The following ADAMTS17 variants were observed in gnomAD, a reference collection of about 807,000 sequenced individuals.
ADAMTS17 encodes the protein ADAM metallopeptidase with thrombospondin type 1 motif 17, also known as A disintegrin and metalloproteinase with thrombospondin motifs 17.
Under a neutral mutation model 141.5 loss-of-function variants are expected in ADAMTS17, and 113 were observed. That is an observed-to-expected ratio of 0.80 (90% confidence interval 0.69 to 0.93). The LOEUF (loss-of-function observed/expected upper bound fraction) is 0.93, where lower values mean the gene tolerates loss of function less well. Among genes scored for constraint, ADAMTS17 ranks in the 40% least tolerant of loss-of-function variants. ADAMTS17 has a pLI of 0.00. For synonymous variants in ADAMTS17, 768 were observed against 630.6 expected (o/e 1.22, Z -3.27); for missense variants, 1,659 against 1,517.9 (o/e 1.09, Z -1.54).
At chr15:100,234,637 G>A (rs1369657051) in intron 7 of ADAMTS17, among the ~76,000 whole-genome samples, 4 of 152,210 alleles carry the variant, frequency 2.6e-5, no homozygotes, top group South Asian at 2.1e-4. Context: ...AACCTCCTGG[G>A]GTTTCCACTT....
intron 3 of ADAMTS17, among the ~76,000 whole-genome samples, chr15:100,316,835 G>A (rs1263216238): frequency 6.6e-6 from 1 of 152,242 alleles, no homozygotes; most frequent in African/African-American, 2.4e-5. Context: ...GAAACAGGCT[G>A]ACTTGTCCCA....
At chr15:100,144,216 T>C (rs1156435862) in intron 10 of ADAMTS17, among the ~76,000 whole-genome samples, 2 of 152,218 alleles carry the variant, frequency 1.3e-5, no homozygotes, top group Non-Finnish European at 2.9e-5. Context: ...GTCTAAACAG[T>C]ATTTTGAGAT....
At chr15:100,188,681 T>C (rs1018915920) in intron 8 of ADAMTS17, among the ~76,000 whole-genome samples, 1 of 152,160 alleles carries the variant, frequency 6.6e-6, no homozygotes, top group Non-Finnish European at 1.5e-5. Flanking sequence ...CTTTGACAGG[T>C]AGGATCAGTG....
At chr15:100,056,864 G>GGA (rs1048859847) in intron 15 of ADAMTS17, among the ~76,000 whole-genome samples, 18 of 152,078 alleles carry the variant, frequency 1.2e-4, no homozygotes, top group African/African-American at 4.1e-4. Flanking sequence ...AGTTTGGAAG[G>GGA]GAGAGAGAGA....
chr15:100,064,301 T>G (rs2033358876), intron 15 of ADAMTS17, among the ~76,000 whole-genome samples: 1 of 152,196 alleles, frequency 6.6e-6, no homozygotes, highest in Admixed American at 6.5e-5. Context: ...GAACCAACCC[T>G]GCTGACACCT....
At chr15:100,299,221 T>A (rs765624603) in intron 3 of ADAMTS17, among the ~76,000 whole-genome samples, 13 of 151,842 alleles carry the variant, frequency 8.6e-5, no homozygotes, top group Non-Finnish European at 1.6e-4. Context: ...CATAAGATAC[T>A]CAGATACTCA....
At chr15:100,286,238 A>T (rs1224621770) in intron 3 of ADAMTS17, among the ~76,000 whole-genome samples, 2 of 152,162 alleles carry the variant, frequency 1.3e-5, no homozygotes, top group African/African-American at 4.8e-5. Context: ...GTGAATGTGC[A>T]TGTGCACCCT....
intron 21 of ADAMTS17, 42 bp downstream of exon 21, chr15:99,976,001 GAC>G (rs1359247943): frequency 2.0e-6 from 3 of 1,528,328 alleles, no homozygotes; most frequent in Admixed American, 2.0e-5. Flanking sequence ...CTGGGCAGGA[GAC>G]ACAGCAGCCC....
intron 14 of ADAMTS17, among the ~76,000 whole-genome samples, chr15:100,099,849 G>A (rs570207634): frequency 6.6e-6 from 1 of 152,328 alleles, no homozygotes; most frequent in African/African-American, 2.4e-5. Flanking sequence ...AAGCTTTAGT[G>A]CTCAGATCCG....
chr15:100,160,947 T>G (rs551825496), intron 8 of ADAMTS17, among the ~76,000 whole-genome samples: 2 of 152,354 alleles, frequency 1.3e-5, no homozygotes, highest in South Asian at 4.1e-4. Flanking sequence ...AAACTCATAT[T>G]AGTTTAAGTT....
At chr15:100,296,825 C>T (rs2044839388) in intron 3 of ADAMTS17, among the ~76,000 whole-genome samples, 1 of 152,170 alleles carries the variant, frequency 6.6e-6, no homozygotes, top group South Asian at 2.1e-4. Context: ...AAGCAGGGCA[C>T]CTCTGCCTAT....
chr15:100,336,848 C>T (rs1426884140), intron 2 of ADAMTS17, among the ~76,000 whole-genome samples: 1 of 152,186 alleles, frequency 6.6e-6, no homozygotes, highest in Admixed American at 6.5e-5. Context: ...TGCAGGCTGC[C>T]CTCTTAAAAG....
rs1276192897 is a variant in ADAMTS17 at position 100,281,326 on chromosome 15, T to C, written c.692A>G (p.Glu231Gly). 6.2e-7 allele frequency: 1 copy of C among 1,610,424 alleles called. No individual in the cohort carries two copies. Among genetic ancestry groups the C allele is most frequent in the African/African-American group, 1.3e-5 (1 of 74,930 alleles). The change falls in exon 4 of 22, where the codon GAG becomes GGG. Residue 231 changes from glutamate to glycine, a missense_variant. Physicochemically the swap from Glu to Gly is moderately conservative, Grantham distance 98 (BLOSUM62 -2). Transcript: ENST00000268070. ...ERRNAIRLTS[E>G]HTVETLVVAD... is the part of the protein sequence containing the mutation. The stretch of plus-strand genomic sequence containing the variant: ...CACCACCAGGGTCTCCACCGTGTGC[T>C]CGCTGGTGAGCCGGATAGCGTTCCT...
chr15:100,259,259 A>G (rs2043434934), intron 6 of ADAMTS17, among the ~76,000 whole-genome samples: 1 of 152,222 alleles, frequency 6.6e-6, no homozygotes, highest in Admixed American at 6.5e-5. Context: ...TTTACTTATG[A>G]TCATGCACAG....
intron 3 of ADAMTS17, among the ~76,000 whole-genome samples, chr15:100,315,146 C>T (rs554681070): frequency 1.3e-5 from 2 of 152,340 alleles, no homozygotes; most frequent in African/African-American, 4.8e-5. Flanking sequence ...GAATGCTGGG[C>T]TGGAGGCCGG....
chr15:100,277,298 A>G (rs1476012541), intron 4 of ADAMTS17, among the ~76,000 whole-genome samples: 1 of 151,900 alleles, frequency 6.6e-6, no homozygotes, highest in Non-Finnish European at 1.5e-5. Context: ...GTTTAATCAA[A>G]GGCAAAAAAC....
chr15:100,313,383 C>A (rs905503077), intron 3 of ADAMTS17, among the ~76,000 whole-genome samples: 15 of 152,178 alleles, frequency 9.9e-5, no homozygotes, highest in Non-Finnish European at 4.4e-5. Flanking sequence ...AAACTATTTA[C>A]ATAATATGCC....
chr15:100,325,184 C>T (rs1047205612), intron 3 of ADAMTS17, among the ~76,000 whole-genome samples: 1 of 152,146 alleles, frequency 6.6e-6, no homozygotes, highest in Admixed American at 6.6e-5. Flanking sequence ...CAACAGACAT[C>T]ACCACCCCAT....
intron 20 of ADAMTS17, among the ~76,000 whole-genome samples, chr15:99,987,776 C>T (rs1281119651): frequency 2.6e-5 from 4 of 152,218 alleles, no homozygotes; most frequent in South Asian, 2.1e-4. Context: ...AGAGGGAAAA[C>T]GGGCAAGTTT....
Sources: allele counts gnomAD v4.1 joint callset (sites outside exome capture counted in the v4.1 genomes callset), GRCh38; gene constraint gnomAD v4.1.1; transcripts MANE v1.5; gene names NCBI Gene and HGNC (gene_info 2026-07-23, HGNC 2026-07-21).